Variants in C7 observed in about 807,000 individuals in gnomAD.
C7 encodes complement component C7.
A neutral mutation model predicts 104.8 loss-of-function variants in C7; 83 were observed. The observed-to-expected ratio is 0.79, with a 90% confidence interval of 0.66 to 0.95. The LOEUF (loss-of-function observed/expected upper bound fraction) is 0.95. Ranked by LOEUF, C7 falls within the 40% of genes least tolerant of loss-of-function variation. The probability of loss-of-function intolerance (pLI) is 0.00; values close to 1 mark genes in which losing one functional copy is unlikely to be tolerated. For synonymous variants in C7, 415 were observed against 360.6 expected (o/e 1.15, Z -1.71); for missense variants, 1,070 against 1,011.2 (o/e 1.06, Z -0.79).
chr5:40,931,272 G>A (rs1408089195), intron 3 of C7, 133 bp downstream of exon 3: 7 of 661,282 alleles, frequency 1.1e-5, no homozygotes, highest in Non-Finnish European at 1.9e-5. Flanking sequence ...TAATTTTGAG[G>A]GGAGAAAAGT....
chr5:40,914,890 A>G lies in C7; in HGVS notation c.6+5274A>G, dbSNP rs118173190. ...AGTATCAGTTACAGCGCGGACATTC[A>G]GAGTTTGGCAGGACACGGATGTGTG... On this transcript the variant is annotated intron_variant, in intron 1 of 17. Coordinates refer to ENST00000313164, the MANE Select transcript of C7 (RefSeq NM_000587.4). 1.3e-3 allele frequency among the ~76,000 whole-genome samples: 192 copies of G among 152,268 alleles called. 3 individuals are homozygous for G. In the East Asian group the frequency reaches 0.03, roughly 24 times the overall value.
chr5:40,979,887 C>T lies in C7; in HGVS notation c.2328C>T (p.Cys776=), dbSNP rs373610115. The T allele has an allele frequency of 5.7e-6, 9 of 1,591,024 alleles. No homozygotes were observed. The highest frequency in any genetic ancestry group is 5.2e-5 in the Admixed American group (3 of 57,684). The change falls in exon 17 of 18, where the codon TGC becomes TGT. Residue 776 remains cysteine (C), a synonymous_variant. Coordinates refer to ENST00000313164, the MANE Select transcript of C7 (RefSeq NM_000587.4). ...PASAEKACGA[C]PLWGKCDAES... is the part of the protein sequence containing the mutation. ...CAGCTGAGAAAGCTTGTGGTGCCTGCCCACTGTGGGGAAAATGTGATGGTA... is the reference window on the plus strand; with the variant it reads ...CAGCTGAGAAAGCTTGTGGTGCCTGTCCACTGTGGGGAAAATGTGATGGTA...
At chr5:40,912,905 T>C (rs894192912) in intron 1 of C7, among the ~76,000 whole-genome samples, 1 of 152,200 alleles carries the variant, frequency 6.6e-6, no homozygotes, top group African/African-American at 2.4e-5. Context: ...ATCTTCCAAA[T>C]AATGTACATT....
At chr5:40,951,167 G>A (rs1288277429) in intron 9 of C7, among the ~76,000 whole-genome samples, 1 of 152,112 alleles carries the variant, frequency 6.6e-6, no homozygotes, top group Non-Finnish European at 1.5e-5. Context: ...AGACTTAGTT[G>A]CTGCTTTTGA....
intron 1 of C7, 63 bp from the exon 2 acceptor site, chr5:40,928,517 T>A: frequency 5.5e-6 from 5 of 905,916 alleles, no homozygotes; most frequent in Non-Finnish European, 6.9e-6. Flanking sequence ...TTATAAATTG[T>A]CAATTTATAG....
chr5:40,946,682 T>C (rs1255703776), intron 7 of C7, among the ~76,000 whole-genome samples: 2 of 152,158 alleles, frequency 1.3e-5, no homozygotes, highest in African/African-American at 4.8e-5. Flanking sequence ...CATTATTTTA[T>C]ATACTTATAT....
intron 8 of C7, among the ~76,000 whole-genome samples, chr5:40,948,388 A>T (rs2459464): frequency 0.64 from 96,879 of 151,926 alleles, 30,894 homozygotes; most frequent in Middle Eastern, 0.72. Context: ...ACCCAATGAG[A>T]TGGGCATTAT....
intron 1 of C7, among the ~76,000 whole-genome samples, chr5:40,924,127 C>T (rs766518754): frequency 6.6e-5 from 10 of 152,114 alleles, no homozygotes; most frequent in South Asian, 6.2e-4. Flanking sequence ...TTTGTAAAAT[C>T]GAAACAAATT....
chr5:40,954,713 A>G (rs1028717969), intron 9 of C7, among the ~76,000 whole-genome samples: 1 of 151,532 alleles, frequency 6.6e-6, no homozygotes, highest in Non-Finnish European at 1.5e-5. Context: ...GTGAAACCCC[A>G]TCTCTACTAA....
chr5:40,962,653 T>C (rs1487390509), intron 13 of C7, among the ~76,000 whole-genome samples: 1 of 152,208 alleles, frequency 6.6e-6, no homozygotes, highest in Non-Finnish European at 1.5e-5. Context: ...CAATTGAACC[T>C]TCCTGTTCAG....
At chr5:40,929,534 C>T (rs1302640875) in intron 2 of C7, among the ~76,000 whole-genome samples, 1 of 152,134 alleles carries the variant, frequency 6.6e-6, no homozygotes, top group African/African-American at 2.4e-5. Flanking sequence ...TTCAGAGTAA[C>T]CTGACCCTCT....
intron 1 of C7, among the ~76,000 whole-genome samples, chr5:40,916,313 G>A (rs1274605227): frequency 6.6e-6 from 1 of 152,152 alleles, no homozygotes; most frequent in East Asian, 1.9e-4. Context: ...ACATAAAGAT[G>A]ATCATAAAAG....
rs777127370 is a variant in C7 at position 40,979,771 on chromosome 5, C to T, written c.2212C>T (p.Leu738=). The T allele has an allele frequency of 1.9e-6, 3 of 1,613,368 alleles. No individual in the cohort carries two copies. Among genetic ancestry groups the T allele is most frequent in the South Asian group, 1.1e-5 (1 of 91,028 alleles). ...TCAAGATGAGAGAAGCAAAAGGATA[C>T]TGCCTCTGACAGTTTGCAAGATGCA... is the stretch of plus-strand genomic sequence containing the variant. ...CAQDERSKRI[L]PLTVCKMHVL... is the part of the protein sequence containing the mutation. Residue 738 remains leucine, a synonymous_variant, in exon 17 of 18, where the codon CTG becomes TTG. Transcript: ENST00000313164.
intron 10 of C7, among the ~76,000 whole-genome samples, chr5:40,957,069 C>T (rs1740303373): frequency 6.6e-6 from 1 of 152,180 alleles, no homozygotes; most frequent in African/African-American, 2.4e-5. Flanking sequence ...TATGCAAAGC[C>T]ATCGTGTTCG....
At chr5:40,924,541 G>A (rs919634914) in intron 1 of C7, among the ~76,000 whole-genome samples, 93 of 152,312 alleles carry the variant, frequency 6.1e-4, no homozygotes, top group African/African-American at 2.1e-3. Flanking sequence ...TGGGGACTGT[G>A]TGGGGGGGTT....
intron 1 of C7, among the ~76,000 whole-genome samples, chr5:40,923,155 T>C (rs1431065933): frequency 1.3e-5 from 2 of 152,212 alleles, no homozygotes; most frequent in African/African-American, 2.4e-5. Context: ...TGATTAACAA[T>C]GGGCAAATGC....
At chr5:40,943,772 A>C (rs1387826321) in intron 6 of C7, among the ~76,000 whole-genome samples, 1 of 152,056 alleles carries the variant, frequency 6.6e-6, no homozygotes, top group African/African-American at 2.4e-5. Context: ...TTTTAAACAA[A>C]CCAATTTCAT....
intron 6 of C7, among the ~76,000 whole-genome samples, chr5:40,943,830 TTCTTA>T (rs149243119): frequency 0.17 from 25,717 of 151,928 alleles, 2,160 homozygotes; most frequent in African/African-American, 0.18. Flanking sequence ...GAAATCCATC[TTCTTA>T]TCTTTCTTAT....
At chr5:40,910,402 G>T (rs1390072130) in intron 1 of C7, among the ~76,000 whole-genome samples, 1 of 152,050 alleles carries the variant, frequency 6.6e-6, no homozygotes, top group Non-Finnish European at 1.5e-5. Context: ...TCTGTCAGTG[G>T]CTAGATTGCT....
Sources: gnomAD v4.1 joint callset for allele counts (sites outside exome capture counted in the v4.1 genomes callset) on GRCh38, gnomAD v4.1.1 for gene constraint, MANE v1.5 for transcripts, NCBI Gene and HGNC (gene_info 2026-07-23, HGNC 2026-07-21) for gene names.